Variants in GGA1 observed in about 807,000 individuals in gnomAD.
The protein encoded by GGA1 is ADP-ribosylation factor-binding protein GGA1.
In GGA1, 18 loss-of-function variants were observed where a neutral mutation model predicts 76.9. The observed-to-expected ratio is 0.23, with a 90% CI of 0.16 to 0.35. The LOEUF (loss-of-function observed/expected upper bound fraction) is 0.35. GGA1 is among the 10% of genes least tolerant of loss of function. GGA1 has a pLI of 1.00. For missense variants in GGA1, 755 were observed against 859.0 expected (o/e 0.88, Z 1.51); for synonymous variants, 342 against 354.7 (o/e 0.96, Z 0.40).
chr22:37,615,276 T>A (rs1477987992), intron 2 of GGA1, among the ~76,000 whole-genome samples: 2 of 149,916 alleles, frequency 1.3e-5, no homozygotes, highest in Admixed American at 1.3e-4. Flanking sequence ...AGAAATCCCA[T>A]CTCTACTAAA....
At position 37,625,944 on chromosome 22, in the gene GGA1, C is replaced by T. The variant is rs769849256; in HGVS notation, c.1088C>T (p.Ser363Phe). Residue 363 changes from serine (S) to phenylalanine (F), a missense_variant, in exon 11 of 17, where the codon TCT becomes TTT. Transcript: ENST00000343632. This position sits in a 1 kb window ranked among gnomAD's most constrained non-coding sequence, Gnocchi z 4.1. ...SVSLLDDELM[S>F]LGLSDPTPPS... Reference sequence around the variant, plus strand: ...TCCCTGCTTGACGACGAGCTCATGTCTCTGGGTGAGGAAGGGGCCAGGCCT... The same window carrying T: ...TCCCTGCTTGACGACGAGCTCATGTTTCTGGGTGAGGAAGGGGCCAGGCCT... 1.3e-6 allele frequency: 2 copies of T among 1,592,236 alleles called. No homozygotes were observed. Among genetic ancestry groups the T allele is most frequent in the South Asian group, 2.2e-5 (2 of 89,904 alleles).
At chr22:37,618,700 C>T (rs1022588060) in intron 4 of GGA1, among the ~76,000 whole-genome samples, 154 bp downstream of exon 4, 1 of 152,174 alleles carries the variant, frequency 6.6e-6, no homozygotes, top group African/African-American at 2.4e-5. Flanking sequence ...AAACACAGAT[C>T]TCTTCTCACA....
rs1435051817 is a variant in GGA1 at position 37,630,945 on chromosome 22, G to A, written c.1374G>A (p.Leu458=). 1.2e-6 allele frequency: 2 copies of A among 1,613,220 alleles called. No individual in the cohort carries two copies. Among genetic ancestry groups the A allele is most frequent in the Non-Finnish European group, 1.7e-6 (2 of 1,179,808 alleles). The change falls in exon 14 of 17, where the codon CTG becomes CTA. Residue 458 remains leucine, a synonymous_variant. Transcript: ENST00000343632. ...CCCCCCGGCTCACACTCCGGGACCT[G>A]CAGAATAAGAGCAGCAGCTGCAGCT... is the stretch of plus-strand genomic sequence containing the variant. ...QPTPRLTLRD[L]QNKSSSCSSP...
At chr22:37,628,142 G>C (rs1460739948) in intron 11 of GGA1, among the ~76,000 whole-genome samples, 3 of 152,172 alleles carry the variant, frequency 2.0e-5, no homozygotes, top group Non-Finnish European at 4.4e-5. Flanking sequence ...TTGGTTTTGA[G>C]ATGGGGGTCT....
chr22:37,625,963 C>G lies in GGA1; in HGVS notation c.1093+14C>G, dbSNP rs199603305. On this transcript the variant is annotated intron_variant, in intron 11 of 16. Transcript: ENST00000343632. The surrounding 1 kb of genome is among the most constrained non-coding windows in gnomAD (Gnocchi z 4.1). ...TCATGTCTCTGGGTGAGGAAGGGGCCAGGCCTGGAGGAGGGCGGGCTCAGC... is the reference window on the plus strand; with the variant it reads ...TCATGTCTCTGGGTGAGGAAGGGGCGAGGCCTGGAGGAGGGCGGGCTCAGC... 3 of 1,574,558 alleles carry G rather than the reference C, an allele frequency of 1.9e-6. No homozygotes were observed. The highest frequency in any genetic ancestry group is 2.6e-6 in the Non-Finnish European group (3 of 1,159,664).
In GGA1 at chr22:37,623,680, ACCT is replaced by A. The variant is rs753394788; in HGVS notation, c.832+51_832+53del. 4.4e-6 allele frequency: 5 copies of A among 1,125,822 alleles called. No individual in the cohort carries two copies. In the South Asian group the frequency reaches 6.8e-5, roughly 15 times the overall value. The allele number at this position is 1,125,822 out of a possible 1,614,324, so 69.7% of individuals were successfully genotyped here. ...AGGTCAGGTCCCCCCCTCTCCCTCCACCTCCTGCCCCCACCTCCCCCAGGCCCT... is the reference window on the plus strand; with the variant it reads ...AGGTCAGGTCCCCCCCTCTCCCTCCACCTGCCCCCACCTCCCCCAGGCCCT... On this transcript the variant is annotated intron_variant, in intron 9 of 16. Transcript: ENST00000343632. The surrounding 1 kb of genome is among the most constrained non-coding windows in gnomAD (Gnocchi z 4.6).
chr22:37,619,920 C>T (rs1601525698), intron 4 of GGA1: 1 of 695,046 alleles, frequency 1.4e-6, no homozygotes, highest in East Asian at 2.6e-5. Flanking sequence ...ACCTCTGGCT[C>T]CTCTTTCCTG....
Position 37,623,321 on chromosome 22 carries a change from C to T in GGA1, c.610-6C>T. The T allele has an allele frequency of 6.2e-7, 1 of 1,613,770 alleles. No homozygotes were observed. The highest frequency in any genetic ancestry group is 1.1e-5 in the South Asian group (1 of 91,070). On this transcript the variant is annotated splice_polypyrimidine_tract_variant and splice_region_variant and intron_variant, in intron 7 of 16. Coordinates refer to ENST00000343632, the MANE Select transcript of GGA1 (RefSeq NM_013365.5). The surrounding 1 kb of genome is among the most constrained non-coding windows in gnomAD (Gnocchi z 4.6). ...TCTCAGGGGCCCTTGGCCAATGTGTCCCCAGGACCAGAAGCGGATGGAGAA... is the reference window on the plus strand; with the variant it reads ...TCTCAGGGGCCCTTGGCCAATGTGTTCCCAGGACCAGAAGCGGATGGAGAA...
intron 3 of GGA1, chr22:37,617,525 A>G (rs1394430008): frequency 2.0e-6 from 2 of 989,846 alleles, no homozygotes; most frequent in Non-Finnish European, 2.4e-6. Context: ...GTAGAGATAC[A>G]GTTTCTCTTT....
intron 11 of GGA1, 166 bp downstream of exon 11, chr22:37,626,115 G>A (rs973585811): frequency 1.9e-5 from 9 of 467,382 alleles, no homozygotes; most frequent in Non-Finnish European, 2.9e-5. Flanking sequence ...GAGGCTCGGG[G>A]AAGTTAGGAG....
At chr22:37,611,889 T>C (rs562428720) in intron 1 of GGA1, among the ~76,000 whole-genome samples, 54 of 152,316 alleles carry the variant, frequency 3.5e-4, no homozygotes, top group African/African-American at 1.2e-3. Flanking sequence ...CAGTGGCTCA[T>C]GCCTGTAATC....
chr22:37,611,805 G>A (rs6000845), intron 1 of GGA1, among the ~76,000 whole-genome samples: 67,145 of 152,158 alleles, frequency 0.44, 17,343 homozygotes, highest in African/African-American at 0.72. Context: ...AATGAAGATC[G>A]AGCTCTGGCT....
intron 4 of GGA1, among the ~76,000 whole-genome samples, chr22:37,619,015 G>C (rs1026006078): frequency 1.3e-5 from 2 of 152,160 alleles, no homozygotes; most frequent in South Asian, 2.1e-4. Context: ...GGCTCCAGAC[G>C]GGCCATCCCC....
At position 37,623,372 on chromosome 22, in the gene GGA1, G is replaced by A. The variant is rs745321038; in HGVS notation, c.655G>A (p.Glu219Lys). The part of the protein sequence containing the change: ...EKISKRVNAI[E>K]EVNNNVKLLT... ...GATCTCGAAGAGGGTGAATGCCATC[G>A]AGGAGGTGAACAACAATGTGAAACT... Residue 219 changes from glutamate (E) to lysine (K), a missense_variant, in exon 8 of 17, where the codon GAG becomes AAG. Coordinates refer to ENST00000343632, the MANE Select transcript of GGA1 (RefSeq NM_013365.5). The surrounding 1 kb of genome is among the most constrained non-coding windows in gnomAD (Gnocchi z 4.6). The A allele has an allele frequency of 3.7e-6, 6 of 1,613,736 alleles. No homozygotes were observed. The highest frequency in any genetic ancestry group is 1.1e-5 in the South Asian group (1 of 91,080).
At chr22:37,619,633 C>T (rs1197423193) in intron 4 of GGA1, among the ~76,000 whole-genome samples, 1 of 152,266 alleles carries the variant, frequency 6.6e-6, no homozygotes, top group Non-Finnish European at 1.5e-5. Context: ...GCATTGGCCT[C>T]CCAAAGTGCT....
chr22:37,633,275 G>C lies in GGA1; in HGVS notation c.*564G>C, dbSNP rs1054646500. The C allele has an allele frequency of 6.5e-6, 1 of 152,814 alleles. No individual in the cohort carries two copies. The highest frequency in any genetic ancestry group is 2.0e-4 in the South Asian group (1 of 4,918). 9.5% of individuals were successfully genotyped at this position (152,814 alleles called of 1,614,324 possible). A position where few individuals can be genotyped will look rare whatever the true frequency, so the allele number is the denominator to read the frequency against. ...TGGCCCTGTGGTCACAGCCTCAGGG[G>C]GCCAGGCTGGGGGAACCTCACCTGG... On this transcript the variant is annotated 3_prime_UTR_variant, in exon 17 of 17. Transcript: ENST00000343632.
Position 37,633,023 on chromosome 22 carries a change from G to A in GGA1, c.*312G>A, listed in dbSNP as rs1932086086. 2 of 360,718 alleles carry A rather than the reference G, an allele frequency of 5.5e-6. No individual in the cohort carries two copies. Among genetic ancestry groups the A allele is most frequent in the Non-Finnish European group, 5.2e-6 (1 of 190,610 alleles). The allele number at this position is 360,718 out of a possible 1,614,324, so 22.3% of individuals were successfully genotyped here. A position where few individuals can be genotyped will look rare whatever the true frequency, so the allele number is the denominator to read the frequency against. On this transcript the variant is annotated 3_prime_UTR_variant, in exon 17 of 17. Coordinates refer to ENST00000343632, the MANE Select transcript of GGA1 (RefSeq NM_013365.5). ...GTCATGGGGAGGAAGCACAGCTGTT[G>A]GGGAAGGGCCAGGACCTCAGGCCCA...
chr22:37,615,887 C>G (rs1928691670), intron 2 of GGA1, among the ~76,000 whole-genome samples: 1 of 151,486 alleles, frequency 6.6e-6, no homozygotes, highest in African/African-American at 2.4e-5. Flanking sequence ...GTCGCCCAGG[C>G]TGGAGTGCAT....
In GGA1 at chr22:37,623,492, C is replaced by G; in HGVS notation, c.750+25C>G. On this transcript the variant is annotated intron_variant, in intron 8 of 16. Coordinates refer to ENST00000343632, the MANE Select transcript of GGA1 (RefSeq NM_013365.5). The surrounding 1 kb of genome is among the most constrained non-coding windows in gnomAD (Gnocchi z 4.6). ...GGTGCACCTGCCTCCCTGCCTACCC[C>G]ACTCCCTGCCCACTCCACAGCCCAC... 2 of 1,613,472 alleles carry G rather than the reference C, an allele frequency of 1.2e-6. No homozygotes were observed. Among genetic ancestry groups the G allele is most frequent in the Non-Finnish European group, 1.7e-6 (2 of 1,179,542 alleles).
Sources: allele counts gnomAD v4.1 joint callset (sites outside exome capture counted in the v4.1 genomes callset), GRCh38; gene constraint gnomAD v4.1.1; non-coding constraint Gnocchi (gnomAD v3.1); transcripts MANE v1.5; gene names NCBI Gene and HGNC (gene_info 2026-07-23, HGNC 2026-07-21).